DOK5: variants seen among roughly 807,000 people sequenced by gnomAD.
The protein encoded by DOK5 is docking protein 5.
A neutral mutation model predicts 43.3 loss-of-function variants in DOK5; 27 were observed. That is an observed-to-expected ratio of 0.62 (90% CI 0.46 to 0.86). DOK5 has a LOEUF of 0.86. Ranked by LOEUF, DOK5 falls within the 40% of genes least tolerant of loss-of-function variation. The probability of loss-of-function intolerance (pLI) is 0.00; values close to 1 mark genes in which losing one functional copy is unlikely to be tolerated. For synonymous variants in DOK5, 146 were observed against 140.1 expected (o/e 1.04, Z -0.30); for missense variants, 373 against 392.9 (o/e 0.95, Z 0.43).
At chr20:54,615,349 C>T (rs1986773167) in intron 6 of DOK5, among the ~76,000 whole-genome samples, 1 of 152,166 alleles carries the variant, frequency 6.6e-6, no homozygotes, top group South Asian at 2.1e-4. Flanking sequence ...CCTTACAAGG[C>T]AAAAGGGACT....
intron 6 of DOK5, among the ~76,000 whole-genome samples, chr20:54,636,956 G>A (rs1978853420): frequency 6.6e-6 from 1 of 152,162 alleles, no homozygotes; most frequent in South Asian, 2.1e-4. Context: ...ATAATCCCTG[G>A]ACTTTCATGA....
intron 6 of DOK5, among the ~76,000 whole-genome samples, chr20:54,621,295 T>C (rs1201088352): frequency 1.3e-5 from 2 of 152,202 alleles, no homozygotes; most frequent in Non-Finnish European, 2.9e-5. Flanking sequence ...CTATATAATA[T>C]ATTTTTGGAA....
chr20:54,493,185 A>G (rs1296576677), intron 1 of DOK5, among the ~76,000 whole-genome samples: 1 of 151,556 alleles, frequency 6.6e-6, no homozygotes, highest in Non-Finnish European at 1.5e-5. Context: ...ATTCTATCCT[A>G]CCTTTCTTAC....
intron 1 of DOK5, among the ~76,000 whole-genome samples, chr20:54,545,153 TC>T (rs1344013173): frequency 1.3e-5 from 2 of 152,186 alleles, no homozygotes; most frequent in Non-Finnish European, 2.9e-5. Context: ...TTAGATCAAA[TC>T]CCTTTCATTG....
chr20:54,621,456 C>T (rs934790672), intron 6 of DOK5, among the ~76,000 whole-genome samples: 18 of 152,276 alleles, frequency 1.2e-4, no homozygotes, highest in Admixed American at 9.8e-4. Context: ...CTTTGGAAGG[C>T]TGAAGCGGGC....
chr20:54,562,285 C>G (rs1176866994), intron 2 of DOK5, among the ~76,000 whole-genome samples: 1 of 152,136 alleles, frequency 6.6e-6, no homozygotes, highest in Non-Finnish European at 1.5e-5. Flanking sequence ...TTAGGGAACC[C>G]TGGTGTATTG....
chr20:54,587,926 C>T (rs1985859669), intron 2 of DOK5, among the ~76,000 whole-genome samples: 1 of 152,190 alleles, frequency 6.6e-6, no homozygotes, highest in South Asian at 2.1e-4. Context: ...ATTTGGACCT[C>T]AAGTCAGGGG....
intron 4 of DOK5, among the ~76,000 whole-genome samples, chr20:54,590,511 T>C (rs1275593273): frequency 6.8e-6 from 1 of 147,460 alleles, no homozygotes; most frequent in Admixed American, 6.7e-5. Context: ...ACTTGGAACT[T>C]TCAAGGGGGG....
chr20:54,609,087 A>G (rs983635934), intron 5 of DOK5, among the ~76,000 whole-genome samples: 1 of 152,208 alleles, frequency 6.6e-6, no homozygotes, highest in Non-Finnish European at 1.5e-5. Context: ...GAAGGCTGTC[A>G]TTTGGCTGTG....
chr20:54,531,355 AGG>A (rs1295833764), intron 1 of DOK5, among the ~76,000 whole-genome samples: 2 of 152,210 alleles, frequency 1.3e-5, no homozygotes, highest in Non-Finnish European at 2.9e-5. Flanking sequence ...GTTTATAGCC[AGG>A]GAAGTCTTTC....
chr20:54,539,511 T>C (rs1411586507), intron 1 of DOK5, among the ~76,000 whole-genome samples: 1 of 152,186 alleles, frequency 6.6e-6, no homozygotes, highest in Non-Finnish European at 1.5e-5. Flanking sequence ...ACAATCTCTC[T>C]GTAGTATTTG....
intron 4 of DOK5, 86 bp downstream of exon 4, chr20:54,588,892 G>C: frequency 7.0e-7 from 1 of 1,426,672 alleles, no homozygotes; most frequent in Non-Finnish European, 9.5e-7. Flanking sequence ...ATTATGTAAA[G>C]TTTTTGGGGT....
At chr20:54,566,316 A>G (rs761626253) in intron 2 of DOK5, among the ~76,000 whole-genome samples, 56 of 152,134 alleles carry the variant, frequency 3.7e-4, no homozygotes, top group Non-Finnish European at 7.1e-4. Flanking sequence ...ACATTCATCC[A>G]CTGACGAACA....
At chr20:54,479,955 G>A (rs546281164) in intron 1 of DOK5, among the ~76,000 whole-genome samples, 1 of 152,024 alleles carries the variant, frequency 6.6e-6, no homozygotes, top group East Asian at 1.9e-4. Flanking sequence ...AATATATCTA[G>A]AATCCGGCTG....
chr20:54,599,387 T>C (rs1427755799), intron 5 of DOK5, among the ~76,000 whole-genome samples: 1 of 152,250 alleles, frequency 6.6e-6, no homozygotes, highest in Non-Finnish European at 1.5e-5. Flanking sequence ...ATTATAAATA[T>C]TCCAATAGTA....
At chr20:54,600,742 C>T (rs956438767) in intron 5 of DOK5, among the ~76,000 whole-genome samples, 3 of 152,150 alleles carry the variant, frequency 2.0e-5, no homozygotes, top group African/African-American at 7.2e-5. Context: ...TCCAGGCTGA[C>T]TGATATCACA....
chr20:54,650,126 C>T (rs746739214), intron 7 of DOK5, among the ~76,000 whole-genome samples: 6 of 152,132 alleles, frequency 3.9e-5, no homozygotes, highest in Non-Finnish European at 8.8e-5. Flanking sequence ...CTGTTTCTAT[C>T]TCATTTCTCC....
chr20:54,585,793 A>G (rs995336315), intron 2 of DOK5, among the ~76,000 whole-genome samples: 35 of 152,316 alleles, frequency 2.3e-4, no homozygotes, highest in Middle Eastern at 3.4e-3. Flanking sequence ...TATTTATTTC[A>G]CAGAGCTTTT....
intron 2 of DOK5, among the ~76,000 whole-genome samples, chr20:54,567,222 A>T (rs1985129043): frequency 6.6e-6 from 1 of 152,076 alleles, no homozygotes; most frequent in Non-Finnish European, 1.5e-5. Flanking sequence ...TTTATTGTTC[A>T]TGCTTTTGGT....
Sources: allele counts gnomAD v4.1 joint callset (sites outside exome capture counted in the v4.1 genomes callset), GRCh38; gene constraint gnomAD v4.1.1; transcripts MANE v1.5; gene names NCBI Gene and HGNC (gene_info 2026-07-23, HGNC 2026-07-21).